The following FREM2 variants were observed in gnomAD, a reference collection of about 807,000 sequenced individuals.
FREM2 encodes FRAS1 related extracellular matrix 2.
FREM2 carries 119 observed loss-of-function variants against 219.9 expected under a neutral mutation model. The observed-to-expected ratio is 0.54, with a 90% CI of 0.47 to 0.63. The LOEUF (loss-of-function observed/expected upper bound fraction) is 0.63. Ranked by LOEUF, FREM2 falls within the 30% of genes least tolerant of loss-of-function variation. FREM2 has a pLI of 0.00. For missense variants in FREM2, 4,030 were observed against 3,993.6 expected (o/e 1.01, Z -0.25); for synonymous variants, 1,562 against 1,522.8 (o/e 1.03, Z -0.60).
At chr13:38,720,793 G>C (rs1213464567) in intron 2 of FREM2, among the ~76,000 whole-genome samples, 2 of 152,210 alleles carry the variant, frequency 1.3e-5, no homozygotes, top group Non-Finnish European at 2.9e-5. Flanking sequence ...ACTGAATCTA[G>C]ATAGGATGAG....
chr13:38,850,274 A>G (rs780571864), intron 9 of FREM2, 39 bp downstream of exon 9: 19 of 1,548,920 alleles, frequency 1.2e-5, no homozygotes, highest in Non-Finnish European at 1.6e-5. Flanking sequence ...AAATTTGAAG[A>G]AGCCGAATTT....
chr13:38,779,066 C>T (rs1280568227), intron 4 of FREM2, among the ~76,000 whole-genome samples: 2 of 152,032 alleles, frequency 1.3e-5, no homozygotes, highest in Non-Finnish European at 2.9e-5. Flanking sequence ...AGGTGTAATT[C>T]TTGCTTTTAC....
chr13:38,864,655 T>C (rs1450634837), intron 16 of FREM2, 49 bp downstream of exon 16: 1 of 1,528,798 alleles, frequency 6.5e-7, no homozygotes, highest in Non-Finnish European at 9.1e-7. Context: ...ACCAATTGGT[T>C]TGTTTTGTCA....
At chr13:38,778,162 G>A (rs1285600452) in intron 4 of FREM2, among the ~76,000 whole-genome samples, 1 of 152,206 alleles carries the variant, frequency 6.6e-6, no homozygotes, top group Non-Finnish European at 1.5e-5. Flanking sequence ...GTATAGATTA[G>A]AAGTATAGAA....
chr13:38,849,888 T>C (rs1465353279), intron 8 of FREM2, 150 bp from the exon 9 acceptor site: 7 of 715,550 alleles, frequency 9.8e-6, no homozygotes, highest in Non-Finnish European at 1.7e-5. Context: ...AGTGATTTGC[T>C]CAAGGTCAAA....
chr13:38,829,683 C>T (rs1876431707), intron 6 of FREM2, among the ~76,000 whole-genome samples: 1 of 149,882 alleles, frequency 6.7e-6, no homozygotes. Flanking sequence ...CTTGATTTTA[C>T]CTATTAAGTG....
At position 38,880,535 on chromosome 13, in the gene FREM2, G is replaced by A; in HGVS notation, c.9258G>A (p.Gln3086=). The change falls in exon 24 of 24, where the codon CAG becomes CAA. Residue 3086 remains glutamine, a synonymous_variant. Transcript: ENST00000280481. ...TTGCCCTGGACCGCACCAAGAGGCA[G>A]ATCCCCCATGGGAGAGCACCTCCAG... The part of the protein sequence containing the change: ...QHIALDRTKR[Q]IPHGRAPPDG... 1 of 1,614,172 alleles carries A rather than the reference G, an allele frequency of 6.2e-7. No individual in the cohort carries two copies. Among genetic ancestry groups the A allele is most frequent in the East Asian group, 2.2e-5 (1 of 44,864 alleles).
chr13:38,807,905 T>G (rs954966113), intron 6 of FREM2, among the ~76,000 whole-genome samples: 1 of 151,998 alleles, frequency 6.6e-6, no homozygotes, highest in African/African-American at 2.4e-5. Context: ...GGCTTTCCGT[T>G]GAAGCTTTGA....
rs202095989 is a variant in FREM2 at position 38,721,223 on chromosome 13, GA to G, written c.5263+23445del. ...AGCAATTGTGTGTTTGGTAGAGGCA[GA>G]AAAAAAAATATTGTCAGCTGACAGT... On this transcript the variant is annotated intron_variant, in intron 2 of 23. Transcript: ENST00000280481. 7.1e-3 allele frequency among the ~76,000 whole-genome samples: 1,072 copies of G among 151,242 alleles called. 10 individuals are homozygous for G. Among genetic ancestry groups the G allele is most frequent in the African/African-American group, 0.025 (1,023 of 41,292 alleles).
At chr13:38,751,707 C>G (rs1872775895) in intron 2 of FREM2, among the ~76,000 whole-genome samples, 1 of 152,132 alleles carries the variant, frequency 6.6e-6, no homozygotes, top group Non-Finnish European at 1.5e-5. Flanking sequence ...ACAGAAAGGA[C>G]TATATGTAAA....
chr13:38,849,922 G>A (rs1246004167), intron 8 of FREM2, 116 bp from the exon 9 acceptor site: 2 of 840,268 alleles, frequency 2.4e-6, no homozygotes, highest in Non-Finnish European at 3.9e-6. Flanking sequence ...ACTGAATGGA[G>A]ACAGAATCCA....
intron 4 of FREM2, among the ~76,000 whole-genome samples, chr13:38,770,554 G>A (rs1873621331): frequency 6.6e-6 from 1 of 152,000 alleles, no homozygotes. Context: ...TTGAATTAAT[G>A]TGTTCCCCAT....
chr13:38,874,461 T>C (rs763866936), intron 17 of FREM2, 21 bp from the exon 18 acceptor site: 1 of 1,590,970 alleles, frequency 6.3e-7, no homozygotes, highest in African/African-American at 1.3e-5. Context: ...ATTTTCATTC[T>C]TGGTACTCTC....
chr13:38,720,877 A>G (rs1448910354), intron 2 of FREM2, among the ~76,000 whole-genome samples: 1 of 152,192 alleles, frequency 6.6e-6, no homozygotes, highest in Non-Finnish European at 1.5e-5. Context: ...AACAAGTTCT[A>G]AGATACATTT....
At chr13:38,707,709 A>G (rs1187701006) in intron 2 of FREM2, among the ~76,000 whole-genome samples, 2 of 152,250 alleles carry the variant, frequency 1.3e-5, no homozygotes, top group East Asian at 3.9e-4. Flanking sequence ...AATTGAAAAT[A>G]AAGTTGTGAA....
chr13:38,744,948 A>G (rs867249238), intron 2 of FREM2, among the ~76,000 whole-genome samples: 2 of 152,350 alleles, frequency 1.3e-5, no homozygotes, highest in Middle Eastern at 3.4e-3. Flanking sequence ...TGTGGTTTAT[A>G]AACTAACATG....
chr13:38,799,514 T>G (rs1874927620), intron 6 of FREM2, among the ~76,000 whole-genome samples: 1 of 152,094 alleles, frequency 6.6e-6, no homozygotes. Flanking sequence ...TAATATTTCT[T>G]TGTTTATTTT....
At position 38,876,289 on chromosome 13, in the gene FREM2, A is replaced by C. The variant is rs201533042; in HGVS notation, c.8451A>C (p.Pro2817=). The change falls in exon 20 of 24, where the codon CCA becomes CCC. Residue 2817 remains proline (P), a synonymous_variant. Transcript: ENST00000280481. ...GGACCTATACTGTGAAGCTGGTGCC[A>C]TGCACTGCCCCATCACATCAGGAAT... ...YSGTYTVKLV[P]CTAPSHQEYR... is the part of the protein sequence containing the mutation. The C allele has an allele frequency of 3.0e-5, 48 of 1,614,092 alleles. No homozygotes were observed. The highest frequency in any genetic ancestry group is 3.9e-5 in the Non-Finnish European group (46 of 1,179,970).
chr13:38,729,151 A>G (rs1181013264), intron 2 of FREM2, among the ~76,000 whole-genome samples: 2 of 152,052 alleles, frequency 1.3e-5, no homozygotes, highest in African/African-American at 2.4e-5. Flanking sequence ...GAAACCCTGA[A>G]CTCAGCATTT....
Sources: allele counts gnomAD v4.1 joint callset (sites outside exome capture counted in the v4.1 genomes callset), GRCh38; gene constraint gnomAD v4.1.1; transcripts MANE v1.5; gene names NCBI Gene and HGNC (gene_info 2026-07-23, HGNC 2026-07-21).